GREB1L: variants seen among roughly 807,000 people sequenced by gnomAD.
The protein encoded by GREB1L is GREB1-like protein.
Under a neutral mutation model 200.8 loss-of-function variants are expected in GREB1L, and 17 were observed. The ratio of observed to expected loss-of-function variants is 0.08; its 90% CI spans 0.06 to 0.13. The LOEUF (loss-of-function observed/expected upper bound fraction) is 0.13. Among genes scored for constraint, GREB1L ranks in the 10% least tolerant of loss-of-function variants. The probability of loss-of-function intolerance (pLI) is 1.00; values close to 1 mark genes in which losing one functional copy is unlikely to be tolerated. For missense variants in GREB1L, 1,657 were observed against 2,367.7 expected (o/e 0.70, Z 6.23); for synonymous variants, 789 against 893.0 (o/e 0.88, Z 2.08).
At chr18:21,285,616 A>G (rs1257794634) in intron 1 of GREB1L, among the ~76,000 whole-genome samples, 1 of 152,178 alleles carries the variant, frequency 6.6e-6, no homozygotes, top group Non-Finnish European at 1.5e-5. Context: ...AACCTCCTCA[A>G]AATGTTCTTT....
intron 1 of GREB1L, among the ~76,000 whole-genome samples, chr18:21,290,715 T>G (rs1427549190): frequency 6.6e-6 from 1 of 150,730 alleles, no homozygotes; most frequent in Non-Finnish European, 1.5e-5. Context: ...TCCTAGCTAC[T>G]CAGGAAGCTG....
At chr18:21,299,430 A>G (rs1400586968) in intron 1 of GREB1L, among the ~76,000 whole-genome samples, 1 of 152,010 alleles carries the variant, frequency 6.6e-6, no homozygotes. Context: ...TTATAAATAT[A>G]TAGACTCTTA....
chr18:21,363,276 G>GCCC (rs1208167958), intron 1 of GREB1L, among the ~76,000 whole-genome samples: 1 of 4,012 alleles, frequency 2.5e-4, no homozygotes, highest in Non-Finnish European at 4.7e-4. Context: ...CCCCCACTCC[G>GCCC]CCTCCCCCCC....
At chr18:21,437,618 T>G (rs2033628706) in intron 7 of GREB1L, among the ~76,000 whole-genome samples, 1 of 152,076 alleles carries the variant, frequency 6.6e-6, no homozygotes, top group Non-Finnish European at 1.5e-5. Context: ...AATAATTAGT[T>G]TATTAGAAAT....
chr18:21,342,232 C>T (rs1187849729), intron 1 of GREB1L, among the ~76,000 whole-genome samples: 1 of 152,066 alleles, frequency 6.6e-6, no homozygotes, highest in African/African-American at 2.4e-5. Flanking sequence ...AATGTCATTA[C>T]AGACCTTTAA....
At chr18:21,350,681 A>G (rs1026966448) in intron 1 of GREB1L, among the ~76,000 whole-genome samples, 2 of 152,198 alleles carry the variant, frequency 1.3e-5, no homozygotes, top group Admixed American at 1.3e-4. Flanking sequence ...AAAAGACTTC[A>G]TGGGCAATGA....
intron 7 of GREB1L, among the ~76,000 whole-genome samples, chr18:21,421,668 GTGCTAAACATGTTCAT>G (rs1325365175): frequency 1.3e-5 from 2 of 152,196 alleles, no homozygotes; most frequent in African/African-American, 2.4e-5. Context: ...TCTAGGTTCT[GTGCTAAACATGTTCAT>G]TGCTACTGTG....
chr18:21,246,131 A>G (rs991527529), intron 1 of GREB1L, among the ~76,000 whole-genome samples: 5 of 152,028 alleles, frequency 3.3e-5, no homozygotes, highest in African/African-American at 1.2e-4. Context: ...GTAGTTGTAA[A>G]TGGGTGGGTT....
chr18:21,268,374 A>G (rs1444418990), intron 1 of GREB1L, among the ~76,000 whole-genome samples: 1 of 151,406 alleles, frequency 6.6e-6, no homozygotes, highest in African/African-American at 2.4e-5. Flanking sequence ...TACCAATTAC[A>G]GTACACACCG....
intron 1 of GREB1L, among the ~76,000 whole-genome samples, chr18:21,352,544 A>G (rs1400593947): frequency 6.6e-6 from 1 of 151,596 alleles, no homozygotes; most frequent in Non-Finnish European, 1.5e-5. Context: ...AGCAATTCCC[A>G]TGCCTCAGCC....
chr18:21,333,675 CAA>C (rs36089817), intron 1 of GREB1L, among the ~76,000 whole-genome samples: 86 of 108,702 alleles, frequency 7.9e-4, no homozygotes, highest in Admixed American at 1.6e-3. Context: ...AACTCTGTCT[CAA>C]AAAAAAAAAA....
intron 11 of GREB1L, among the ~76,000 whole-genome samples, chr18:21,445,369 G>T (rs1421968569): frequency 2.0e-5 from 3 of 152,134 alleles, no homozygotes; most frequent in Non-Finnish European, 2.9e-5. Context: ...AGCTACTCAG[G>T]AGGCTGAGGC....
chr18:21,389,440 A>G (rs2040701312), intron 4 of GREB1L, among the ~76,000 whole-genome samples: 1 of 147,592 alleles, frequency 6.8e-6, no homozygotes, highest in South Asian at 2.1e-4. Flanking sequence ...CACACCTCTC[A>G]TAGAATACAG....
intron 1 of GREB1L, among the ~76,000 whole-genome samples, chr18:21,356,797 G>A (rs183977588): frequency 4.6e-5 from 7 of 152,252 alleles, no homozygotes; most frequent in Non-Finnish European, 2.9e-5. Context: ...CCAACATGGT[G>A]CAAGAGTTTC....
At chr18:21,353,065 C>T (rs922632305) in intron 1 of GREB1L, among the ~76,000 whole-genome samples, 5 of 151,702 alleles carry the variant, frequency 3.3e-5, no homozygotes, top group African/African-American at 1.2e-4. Context: ...GCCTGTAGTC[C>T]CAGCTATTCA....
rs1371497678 is a variant in GREB1L, at chr18:21,524,292, A to C, written c.*1471A>C. On this transcript the variant is annotated 3_prime_UTR_variant, in exon 33 of 33. Transcript: ENST00000424526. ...AGGAGTTTACAAAGCTAGTGAAAAAATGGAATGTATTAGACTAAAAATGGT... is the reference window on the plus strand; with the variant it reads ...AGGAGTTTACAAAGCTAGTGAAAAACTGGAATGTATTAGACTAAAAATGGT... 7 of 152,212 alleles carry C rather than the reference A, an allele frequency of 4.6e-5. No individual in the cohort carries two copies. The highest frequency in any genetic ancestry group is 4.6e-4 in the Admixed American group (7 of 15,282). 9.4% of individuals were successfully genotyped at this position (152,212 alleles called of 1,614,324 possible). A position where few individuals can be genotyped will look rare whatever the true frequency, so the allele number is the denominator to read the frequency against.
At chr18:21,246,611 T>C (rs994913369) in intron 1 of GREB1L, among the ~76,000 whole-genome samples, 3 of 152,308 alleles carry the variant, frequency 2.0e-5, no homozygotes, top group East Asian at 3.9e-4. Flanking sequence ...GCTAGACATA[T>C]AGGGGTGGTC....
intron 7 of GREB1L, among the ~76,000 whole-genome samples, chr18:21,436,985 A>G (rs2033589798): frequency 6.6e-6 from 1 of 152,216 alleles, no homozygotes; most frequent in African/African-American, 2.4e-5. Context: ...TGCTGGGATT[A>G]CAGGCATGAC....
In GREB1L at chr18:21,384,321, C is replaced by CCAT; in HGVS notation, c.273_274insCAT (p.Asp91_Asp92insHis). On this transcript the variant is annotated inframe_insertion, in exon 4 of 33. Transcript: ENST00000424526. ...TTAATGAAATGGAAGATGATGAAGACGATGAAGAAATGTCTGATTCAAACA... is the reference window on the plus strand; with the variant it reads ...TTAATGAAATGGAAGATGATGAAGACCATGATGAAGAAATGTCTGATTCAAACA... 6.4e-7 allele frequency: 1 copy of CCAT among 1,551,494 alleles called. No individual in the cohort carries two copies. Among genetic ancestry groups the CCAT allele is most frequent in the Admixed American group, 2.0e-5 (1 of 50,986 alleles).
Sources: allele counts gnomAD v4.1 joint callset (sites outside exome capture counted in the v4.1 genomes callset), GRCh38; gene constraint gnomAD v4.1.1; transcripts MANE v1.5; gene names NCBI Gene and HGNC (gene_info 2026-07-23, HGNC 2026-07-21).